Variants in LONRF3 observed in about 807,000 individuals in gnomAD.
LONRF3 encodes the protein LON peptidase N-terminal domain and RING finger protein 3.
In LONRF3, 19 loss-of-function variants were observed where a neutral mutation model predicts 51.7. That is an observed-to-expected ratio of 0.37 (90% confidence interval 0.26 to 0.54). The LOEUF (loss-of-function observed/expected upper bound fraction) is 0.54. LONRF3 is among the 20% of genes least tolerant of loss of function. The pLI, the probability that LONRF3 is intolerant of heterozygous loss-of-function variation, is 0.86. For synonymous variants in LONRF3, 265 were observed against 257.8 expected, an observed-to-expected ratio of 1.03 and a Z score of -0.27; for missense variants, 521 against 623.9, an observed-to-expected ratio of 0.84 and a Z score of 1.76.
At chrX:119,015,878 T>A (rs1202571922) in intron 10 of LONRF3, among the ~76,000 whole-genome samples, 1 of 112,526 alleles carries the variant, frequency 8.9e-6, no homozygotes, top group Non-Finnish European at 1.9e-5. Context: ...ATAAGCATGT[T>A]CTGTCAGGAG....
Position 118,989,619 on chromosome X carries a change from G to T in LONRF3, c.1271G>T (p.Cys424Phe), listed in dbSNP as rs138316235. The T allele has an allele frequency of 8.3e-7, 1 of 1,209,464 alleles. No individual in the cohort carries two copies. The highest frequency in any genetic ancestry group is 1.7e-5 in the African/African-American group (1 of 57,201). Reference sequence around the variant, plus strand: ...TGCCAGGAAAAGAAAAGGAAACATTGCCAGATTGAATCCCAAGAAGAAACG... The same window carrying T: ...TGCCAGGAAAAGAAAAGGAAACATTTCCAGATTGAATCCCAAGAAGAAACG... ...GKCQEKKRKH[C>F]QIESQEETGM... Residue 424 changes from cysteine to phenylalanine, a missense_variant, in exon 4 of 11, where the codon TGC becomes TTC. Coordinates refer to ENST00000371628, the MANE Select transcript of LONRF3 (RefSeq NM_001031855.3).
intron 2 of LONRF3, among the ~76,000 whole-genome samples, chrX:118,981,803 C>T (rs192471010): frequency 2.7e-4 from 30 of 112,037 alleles, no homozygotes; most frequent in Non-Finnish European, 3.2e-4. Flanking sequence ...CCTGAGGGCT[C>T]TGGGGCCTGC....
intron 3 of LONRF3, among the ~76,000 whole-genome samples, chrX:118,987,751 A>T (rs1923116220): frequency 9.0e-6 from 1 of 110,609 alleles, no homozygotes; most frequent in Non-Finnish European, 1.9e-5. Context: ...CTGGCCTTTG[A>T]GTGCCAGCAC....
At chrX:118,982,270 G>A (rs1231487225) in intron 2 of LONRF3, among the ~76,000 whole-genome samples, 1 of 112,000 alleles carries the variant, frequency 8.9e-6, no homozygotes, top group Non-Finnish European at 1.9e-5. Flanking sequence ...TGAGACTGCA[G>A]TTCTAGTTCC....
intron 2 of LONRF3, among the ~76,000 whole-genome samples, chrX:118,980,625 T>C (rs562794854): frequency 1.7e-3 from 191 of 111,205 alleles, no homozygotes; most frequent in Non-Finnish European, 3.1e-3. Flanking sequence ...TGGTTTTTTT[T>C]CCCCAAAGAA....
chrX:118,977,862 T>C (rs1922208482), intron 1 of LONRF3, among the ~76,000 whole-genome samples: 1 of 111,928 alleles, frequency 8.9e-6, no homozygotes, highest in African/African-American at 3.3e-5. Context: ...TGTGCTGGGC[T>C]TTGTAGACAA....
chrX:119,005,135 C>A (rs748180743), intron 5 of LONRF3, among the ~76,000 whole-genome samples: 1 of 111,673 alleles, frequency 9.0e-6, no homozygotes, highest in Non-Finnish European at 1.9e-5. Flanking sequence ...GTGCAGCTGG[C>A]AGCCTCTGAC....
Position 119,011,935 on chromosome X carries a change from G to A in LONRF3, c.1773G>A (p.Thr591=), listed in dbSNP as rs1925138516. ...LMIRRCIETG[T]RQFGMCLGDP... is the part of the protein sequence containing the mutation. Reference sequence around the variant, plus strand: ...TTCGTAGATGCATTGAGACAGGCACGAGACAGTTTGGCATGTGCCTTGGAG... The same window carrying A: ...TTCGTAGATGCATTGAGACAGGCACAAGACAGTTTGGCATGTGCCTTGGAG... The change falls in exon 8 of 11, where the codon ACG becomes ACA. Residue 591 remains threonine (T), a synonymous_variant. Coordinates refer to ENST00000371628, the MANE Select transcript of LONRF3 (RefSeq NM_001031855.3). 5.0e-6 allele frequency: 6 copies of A among 1,210,009 alleles called. No individual in the cohort carries two copies. The highest frequency in any genetic ancestry group is 1.7e-5 in the African/African-American group (1 of 57,176).
chrX:119,003,692 A>AT (rs1924494854), intron 5 of LONRF3, among the ~76,000 whole-genome samples: 1 of 112,584 alleles, frequency 8.9e-6, no homozygotes, highest in Non-Finnish European at 1.9e-5. Context: ...CTTCAGATGT[A>AT]TCTTGGCTCT....
chrX:118,974,632 G>A lies in LONRF3; in HGVS notation c.-149G>A, dbSNP rs745927676. The A allele has an allele frequency of 1.7e-5, 8 of 471,568 alleles. No homozygotes were observed. The highest frequency in any genetic ancestry group is 2.5e-5 in the Non-Finnish European group (7 of 275,039). The allele number at this position is 471,568 out of a possible 1,213,427, so 38.9% of individuals were successfully genotyped here. On this transcript the variant is annotated 5_prime_UTR_variant, in exon 1 of 11. Transcript: ENST00000371628. ...ACAAGACAGTTATTAGGCGGCGCGG[G>A]GCGGCCGGCATGGAGCTCCCGGAGG...
At position 118,974,652 on chromosome X, in the gene LONRF3, C is replaced by T. The variant is rs779807484; in HGVS notation, c.-129C>T. 3.2e-5 allele frequency: 18 copies of T among 555,305 alleles called. No individual in the cohort carries two copies. The highest frequency in any genetic ancestry group is 4.6e-5 in the Non-Finnish European group (16 of 351,471). 45.8% of individuals were successfully genotyped at this position (555,305 alleles called of 1,213,427 possible). A position where few individuals can be genotyped will look rare whatever the true frequency, so the allele number is the denominator to read the frequency against. Reference sequence around the variant, plus strand: ...CGCGGGGCGGCCGGCATGGAGCTCCCGGAGGCGCGGCAGGGTCAGGAGCTC... The same window carrying T: ...CGCGGGGCGGCCGGCATGGAGCTCCTGGAGGCGCGGCAGGGTCAGGAGCTC... On this transcript the variant is annotated 5_prime_UTR_variant, in exon 1 of 11. Transcript: ENST00000371628.
At chrX:119,003,436 CT>C (rs1359731464) in intron 5 of LONRF3, among the ~76,000 whole-genome samples, 1 of 112,058 alleles carries the variant, frequency 8.9e-6, no homozygotes, top group Admixed American at 9.4e-5. Context: ...TCATTTCCCC[CT>C]ATAGATAGCC....
chrX:119,006,843 C>A (rs1407667573), intron 6 of LONRF3, among the ~76,000 whole-genome samples: 1 of 111,856 alleles, frequency 8.9e-6, no homozygotes. Flanking sequence ...CCGCCTCGGC[C>A]TCCCAAAGTG....
chrX:118,987,183 A>G (rs1923040681), intron 3 of LONRF3: 1 of 647,216 alleles, frequency 1.5e-6, no homozygotes, highest in South Asian at 3.0e-5. Context: ...TTCCTGAGAA[A>G]GAAGAAATTG....
chrX:119,009,591 A>G (rs898063823), intron 7 of LONRF3, among the ~76,000 whole-genome samples: 1 of 111,827 alleles, frequency 8.9e-6, no homozygotes, highest in African/African-American at 3.3e-5. Flanking sequence ...GATTGTTTTC[A>G]GATACATAAG....
chrX:118,992,414 G>A (rs1368906106), intron 5 of LONRF3, among the ~76,000 whole-genome samples: 1 of 110,926 alleles, frequency 9.0e-6, no homozygotes, highest in African/African-American at 3.3e-5. Flanking sequence ...CAACTTCCCT[G>A]GTAACCTGCA....
rs771517568 is a variant in LONRF3, at chrX:118,975,149, G to C, written c.369G>C (p.Pro123=). Reference sequence around the variant, plus strand: ...TCCCGCAAGGCGAGGCGCTGGCGCCGGCGCCCCCGGACGAGGGTAGCACTG... The same window carrying C: ...TCCCGCAAGGCGAGGCGCTGGCGCCCGCGCCCCCGGACGAGGGTAGCACTG... ...EKVPQGEALA[P]APPDEGSTAS... Residue 123 remains proline, a synonymous_variant, in exon 1 of 11, where the codon CCG becomes CCC. Coordinates refer to ENST00000371628, the MANE Select transcript of LONRF3 (RefSeq NM_001031855.3). The C allele has an allele frequency of 4.7e-5, 55 of 1,168,889 alleles. No homozygotes were observed. In the South Asian group the frequency reaches 1.0e-3, roughly 22 times the overall value.
At chrX:118,976,797 G>A (rs1341931892) in intron 1 of LONRF3, 1 of 113,550 alleles carries the variant, frequency 8.8e-6, no homozygotes, top group Non-Finnish European at 1.9e-5. Context: ...GGGGCGCGGT[G>A]TCTGGCGAAG....
At chrX:119,001,279 G>A (rs1329589772) in intron 5 of LONRF3, among the ~76,000 whole-genome samples, 1 of 111,777 alleles carries the variant, frequency 8.9e-6, no homozygotes, top group Non-Finnish European at 1.9e-5. Context: ...GTAGATGGAT[G>A]ATGTCTATTT....
Sources: gnomAD v4.1 joint callset for allele counts (sites outside exome capture counted in the v4.1 genomes callset) on GRCh38, gnomAD v4.1.1 for gene constraint, MANE v1.5 for transcripts, NCBI Gene and HGNC (gene_info 2026-07-23, HGNC 2026-07-21) for gene names.